Variants in FHIT observed in about 807,000 individuals in gnomAD.
FHIT encodes the protein bis(5'-adenosyl)-triphosphatase.
In FHIT, 19 loss-of-function variants were observed where a neutral mutation model predicts 17.9. The observed-to-expected ratio is 1.06, with a 90% CI of 0.74 to 1.56. FHIT has a LOEUF of 1.56. FHIT is among the 40% of genes most tolerant of loss of function. The pLI is 0.00. For missense variants in FHIT, 248 were observed against 189.2 expected (o/e 1.31, Z -1.82); for synonymous variants, 81 against 69.7 (o/e 1.16, Z -0.81).
At chr3:61,183,471 T>A (rs1416809615) in intron 2 of FHIT, among the ~76,000 whole-genome samples, 9 of 152,166 alleles carry the variant, frequency 5.9e-5, no homozygotes, top group Non-Finnish European at 1.3e-4. Context: ...AAATGACAGG[T>A]TCTTCTCCCC....
Position 60,469,845 on chromosome 3 carries a change from C to T in FHIT, c.103+67015G>A, listed in dbSNP as rs559676920. Among the ~76,000 whole-genome samples, 55 of 152,268 alleles carry T rather than the reference C, an allele frequency of 3.6e-4. No individual in the cohort carries two copies. In the South Asian group the frequency reaches 6.6e-3, roughly 18 times the overall value. ...GTGTAGTCATCTAAGTTTTTGGTCA[C>T]TTTACCCGTTTCTACTTTAGGGGTG... On this transcript the variant is annotated intron_variant, in intron 5 of 9. Transcript: ENST00000492590.
At chr3:59,939,406 G>C (rs1422847228) in intron 7 of FHIT, among the ~76,000 whole-genome samples, 1 of 152,100 alleles carries the variant, frequency 6.6e-6, no homozygotes, top group African/African-American at 2.4e-5. Context: ...CAATTTGCCA[G>C]GAATCTCACC....
At chr3:60,280,565 G>A (rs1707381684) in intron 5 of FHIT, among the ~76,000 whole-genome samples, 1 of 152,090 alleles carries the variant, frequency 6.6e-6, no homozygotes. Flanking sequence ...AGAGATCACT[G>A]TCACACCCAC....
At chr3:60,749,400 A>G (rs1199761215) in intron 4 of FHIT, among the ~76,000 whole-genome samples, 2 of 152,066 alleles carry the variant, frequency 1.3e-5, no homozygotes, top group Admixed American at 6.5e-5. Context: ...CGACATTACC[A>G]CCTAGGAGCC....
At chr3:60,144,234 A>C (rs1700146984) in intron 5 of FHIT, among the ~76,000 whole-genome samples, 1 of 152,228 alleles carries the variant, frequency 6.6e-6, no homozygotes, top group African/African-American at 2.4e-5. Context: ...CTCATGAGCA[A>C]GGCTGGGGAG....
chr3:60,711,649 G>A (rs1187052625), intron 4 of FHIT, among the ~76,000 whole-genome samples: 18 of 152,240 alleles, frequency 1.2e-4, no homozygotes, highest in African/African-American at 4.1e-4. Context: ...AGGAGCCAAT[G>A]TGATCAACTG....
chr3:60,960,136 T>A lies in FHIT; in HGVS notation c.-111+81911A>T, dbSNP rs142866925. ...GATACTACTTGAATAAGAAGAAAAATAAAGAGAGTTGTGTTTCAAGCTTTC... is the reference window on the plus strand; with the variant it reads ...GATACTACTTGAATAAGAAGAAAAAAAAAGAGAGTTGTGTTTCAAGCTTTC... On this transcript the variant is annotated intron_variant, in intron 3 of 9. Transcript: ENST00000492590. Among the ~76,000 whole-genome samples the A allele has an allele frequency of 5.7e-3, 862 of 151,886 alleles. 10 individuals carry two copies. The highest frequency in any genetic ancestry group is 9.6e-3 in the Non-Finnish European group (655 of 67,940).
At chr3:60,684,676 G>A (rs1174791468) in intron 4 of FHIT, among the ~76,000 whole-genome samples, 3 of 151,874 alleles carry the variant, frequency 2.0e-5, no homozygotes, top group African/African-American at 2.4e-5. Flanking sequence ...TTGCGCATCC[G>A]TGACTTCCTT....
At chr3:60,525,586 T>C (rs556296210) in intron 5 of FHIT, among the ~76,000 whole-genome samples, 5 of 152,326 alleles carry the variant, frequency 3.3e-5, no homozygotes, top group Admixed American at 2.0e-4. Context: ...GGCTCTTTAA[T>C]AATATCTTGG....
intron 5 of FHIT, among the ~76,000 whole-genome samples, chr3:60,435,454 A>T (rs1178823111): frequency 3.7e-5 from 5 of 135,608 alleles, no homozygotes; most frequent in African/African-American, 1.3e-4. Flanking sequence ...TTTTTTTTTT[A>T]CCAGCAACTT....
intron 4 of FHIT, among the ~76,000 whole-genome samples, chr3:60,717,792 T>C (rs2041720647): frequency 6.6e-6 from 1 of 152,160 alleles, no homozygotes; most frequent in Non-Finnish European, 1.5e-5. Context: ...ATCTGTATTT[T>C]CAAGGAACTA....
intron 5 of FHIT, among the ~76,000 whole-genome samples, chr3:60,343,817 T>G (rs1710640693): frequency 6.6e-6 from 1 of 152,188 alleles, no homozygotes; most frequent in Non-Finnish European, 1.5e-5. Context: ...CTGGACTGTC[T>G]TAATTTTTGA....
chr3:60,184,470 T>C (rs1164774612), intron 5 of FHIT, among the ~76,000 whole-genome samples: 8 of 152,150 alleles, frequency 5.3e-5, no homozygotes, highest in Admixed American at 5.2e-4. Context: ...TTGTCTGATG[T>C]CTTTCTCATG....
intron 5 of FHIT, among the ~76,000 whole-genome samples, chr3:60,252,417 A>G (rs1210763242): frequency 6.6e-6 from 1 of 152,106 alleles, no homozygotes; most frequent in East Asian, 1.9e-4. Context: ...TTAAAAAATT[A>G]GCAGATCATA....
intron 5 of FHIT, among the ~76,000 whole-genome samples, chr3:60,091,510 A>C (rs1223411968): frequency 6.6e-6 from 1 of 152,048 alleles, no homozygotes; most frequent in Non-Finnish European, 1.5e-5. Context: ...CTCTGGAGCC[A>C]CTCTTATAAA....
chr3:60,725,438 T>G (rs1213448812), intron 4 of FHIT, among the ~76,000 whole-genome samples: 2 of 152,190 alleles, frequency 1.3e-5, no homozygotes, highest in Non-Finnish European at 2.9e-5. Flanking sequence ...ATTTAGGACT[T>G]TGATACTTTA....
chr3:60,675,898 T>C (rs1197662425), intron 4 of FHIT, among the ~76,000 whole-genome samples: 1 of 152,264 alleles, frequency 6.6e-6, no homozygotes, highest in Non-Finnish European at 1.5e-5. Flanking sequence ...TGTTTAGGAA[T>C]GTTCAAGGAT....
chr3:61,010,482 C>T (rs552706072), intron 3 of FHIT, among the ~76,000 whole-genome samples: 1 of 152,254 alleles, frequency 6.6e-6, no homozygotes, highest in East Asian at 1.9e-4. Context: ...GATGACAAAA[C>T]TAATGTTTAG....
chr3:61,031,117 T>C (rs951823718), intron 3 of FHIT, among the ~76,000 whole-genome samples: 1 of 152,190 alleles, frequency 6.6e-6, no homozygotes, highest in Non-Finnish European at 1.5e-5. Context: ...AAAATGACTA[T>C]AAGTAAAAGT....
Sources: allele counts gnomAD v4.1 joint callset (sites outside exome capture counted in the v4.1 genomes callset), GRCh38; gene constraint gnomAD v4.1.1; transcripts MANE v1.5; gene names NCBI Gene and HGNC (gene_info 2026-07-23, HGNC 2026-07-21).